Variants in RASSF3 observed in about 807,000 individuals in gnomAD.
RASSF3 encodes Ras association domain family member 3, also known as ras association domain-containing protein 3.
Under a neutral mutation model 19.9 loss-of-function variants are expected in RASSF3, and 19 were observed. The observed-to-expected ratio is 0.96, with a 90% CI of 0.67 to 1.40. The LOEUF (loss-of-function observed/expected upper bound fraction) is 1.40. Ranked by LOEUF, RASSF3 falls within the 40% of genes most tolerant of loss-of-function variation. RASSF3 has a pLI of 0.00. For synonymous variants in RASSF3, 110 were observed against 104.2 expected (o/e 1.06, Z -0.34); for missense variants, 306 against 289.8 (o/e 1.06, Z -0.41).
intron 2 of RASSF3, among the ~76,000 whole-genome samples, chr12:64,569,319 C>T (rs1478937828): frequency 6.6e-6 from 1 of 152,264 alleles, no homozygotes; most frequent in Non-Finnish European, 1.5e-5. Context: ...AAGGCCCCTG[C>T]TCCAGCTGAC....
At chr12:64,526,332 T>G in intron 1 of RASSF3, among the ~76,000 whole-genome samples, 1 of 152,194 alleles carries the variant, frequency 6.6e-6, no homozygotes, top group Non-Finnish European at 1.5e-5. Flanking sequence ...ACTTAAAATC[T>G]ACTTGGCAAT....
chr12:64,667,862 G>A (rs1334109103), intron 1 of RASSF3, among the ~76,000 whole-genome samples: 2 of 152,214 alleles, frequency 1.3e-5, no homozygotes, highest in African/African-American at 4.8e-5. Context: ...ATGCATGCAT[G>A]CTCACTCCCT....
chr12:64,638,730 C>G (rs1871411603), intron 1 of RASSF3, among the ~76,000 whole-genome samples: 1 of 152,100 alleles, frequency 6.6e-6, no homozygotes, highest in African/African-American at 2.4e-5. Context: ...TTGATCATTG[C>G]CATCCATCTA....
intron 2 of RASSF3, among the ~76,000 whole-genome samples, chr12:64,583,145 A>AT (rs1869732495): frequency 6.6e-6 from 1 of 152,154 alleles, no homozygotes; most frequent in South Asian, 2.1e-4. Context: ...GACCCTTCAC[A>AT]TGACACAAAG....
intron 1 of RASSF3, among the ~76,000 whole-genome samples, chr12:64,638,067 T>A (rs1224976045): frequency 6.6e-6 from 1 of 151,774 alleles, no homozygotes; most frequent in Non-Finnish European, 1.5e-5. Context: ...CTTGACCTCG[T>A]GATCTGCCCA....
At chr12:64,630,309 T>G (rs1389370564) in intron 1 of RASSF3, among the ~76,000 whole-genome samples, 1 of 152,198 alleles carries the variant, frequency 6.6e-6, no homozygotes, top group African/African-American at 2.4e-5. Context: ...GAGGATTGTT[T>G]AAGCCCAGGA....
At chr12:64,691,344 G>T in intron 3 of RASSF3, 126 bp from the exon 4 acceptor site, 1 of 667,882 alleles carries the variant, frequency 1.5e-6, no homozygotes, top group South Asian at 1.6e-5. Flanking sequence ...AAGATGAGCC[G>T]ACTGGCGACT....
chr12:64,631,612 C>T (rs1481946553), intron 1 of RASSF3, among the ~76,000 whole-genome samples: 1 of 152,048 alleles, frequency 6.6e-6, no homozygotes, highest in African/African-American at 2.4e-5. Flanking sequence ...TGCTCTGTCG[C>T]CCAGGCTGGA....
At chr12:64,532,673 AT>A (rs143144734), upstream of RASSF3, among the ~76,000 whole-genome samples, 3,684 of 148,944 alleles carry the variant, frequency 0.025, 143 homozygotes, top group African/African-American at 0.086. Context: ...AAAAAAAAAA[AT>A]TTTTTTTTTA....
At chr12:64,604,966 T>A (rs903685627) in intron 2 of RASSF3, among the ~76,000 whole-genome samples, 16 of 150,932 alleles carry the variant, frequency 1.1e-4, no homozygotes, top group African/African-American at 3.4e-4. Flanking sequence ...TCATATATTT[T>A]TTTTTTAATT....
chr12:64,559,325 C>A (rs1045192637), intron 2 of RASSF3, among the ~76,000 whole-genome samples: 1 of 150,944 alleles, frequency 6.6e-6, no homozygotes, highest in African/African-American at 2.4e-5. Flanking sequence ...TTCACTGCAA[C>A]CTCCACCTCC....
chr12:64,520,622 C>T (rs1418813933), intron 1 of RASSF3, among the ~76,000 whole-genome samples: 2 of 143,698 alleles, frequency 1.4e-5, no homozygotes, highest in Non-Finnish European at 3.0e-5. Context: ...GGTTCCCAGA[C>T]TGGAAACCTA....
intron 2 of RASSF3, among the ~76,000 whole-genome samples, chr12:64,573,019 A>G (rs1319361056): frequency 1.3e-5 from 2 of 152,116 alleles, no homozygotes; most frequent in Non-Finnish European, 2.9e-5. Flanking sequence ...ATAAGCATGA[A>G]CCACTGTACC....
At chr12:64,522,009 C>T (rs144975511) in intron 1 of RASSF3, among the ~76,000 whole-genome samples, 23 of 152,296 alleles carry the variant, frequency 1.5e-4, no homozygotes, top group African/African-American at 4.6e-4. Flanking sequence ...AATTATACAA[C>T]GCTCATCTTG....
chr12:64,626,488 C>CAA (rs36122537), intron 1 of RASSF3, among the ~76,000 whole-genome samples: 1,118 of 76,698 alleles, frequency 0.015, 26 homozygotes, highest in African/African-American at 0.046. Context: ...ACTCTTGTCT[C>CAA]AAAAAAAAAA....
At chr12:64,563,996 T>A (rs1003033417) in intron 2 of RASSF3, among the ~76,000 whole-genome samples, 2 of 152,220 alleles carry the variant, frequency 1.3e-5, no homozygotes, top group African/African-American at 4.8e-5. Flanking sequence ...CCACCCCAGC[T>A]GGGCATGGAG....
Position 64,684,836 on chromosome 12 carries a change from T to C in RASSF3, c.161T>C (p.Ile54Thr). The change falls in exon 2 of 5, where the codon ATC becomes ACC. Residue 54 changes from isoleucine to threonine, a missense_variant. Ile to Thr is a moderately conservative substitution (Grantham distance 89). Coordinates refer to ENST00000542104, the MANE Select transcript of RASSF3 (RefSeq NM_178169.4). Reference protein sequence around the residue: ...ETHSYLSKEEIKEKVHKYNLA... With the variant: ...ETHSYLSKEETKEKVHKYNLA... The stretch of plus-strand genomic sequence containing the variant: ...CACAGTTACCTCAGCAAAGAGGAGA[T>C]CAAAGAGAAAGTTCATAAATACAAC... 1 of 1,613,858 alleles carries C rather than the reference T, an allele frequency of 6.2e-7. No homozygotes were observed. The highest frequency in any genetic ancestry group is 8.5e-7 in the Non-Finnish European group (1 of 1,179,814).
chr12:64,582,873 G>A (rs1431716664), intron 2 of RASSF3, among the ~76,000 whole-genome samples: 2 of 152,242 alleles, frequency 1.3e-5, no homozygotes, highest in Admixed American at 6.5e-5. Flanking sequence ...TTTGGCCAGC[G>A]TGTATGTCCA....
intron 3 of RASSF3, 92 bp from the exon 4 acceptor site, chr12:64,691,378 G>T: frequency 5.9e-6 from 5 of 843,214 alleles, no homozygotes; most frequent in Non-Finnish European, 1.0e-5. Flanking sequence ...AACTTGGATG[G>T]TTACCTTGAT....
Sources: gnomAD v4.1 joint callset for allele counts (sites outside exome capture counted in the v4.1 genomes callset) on GRCh38, gnomAD v4.1.1 for gene constraint, MANE v1.5 for transcripts, NCBI Gene and HGNC (gene_info 2026-07-23, HGNC 2026-07-21) for gene names.